CSMD3: variants seen among roughly 807,000 people sequenced by gnomAD.
CSMD3 encodes the protein CUB and sushi domain-containing protein 3.
CSMD3 carries 177 observed loss-of-function variants against 435.2 expected under a neutral mutation model. The ratio of observed to expected loss-of-function variants is 0.41; its 90% CI spans 0.36 to 0.46. The LOEUF (loss-of-function observed/expected upper bound fraction) is 0.46, where lower values mean the gene tolerates loss of function less well. Ranked by LOEUF, CSMD3 falls within the 20% of genes least tolerant of loss-of-function variation. CSMD3 has a pLI of 0.34. For synonymous variants in CSMD3, 1,656 were observed against 1,520.5 expected (o/e 1.09, Z -2.07); for missense variants, 4,265 against 4,504.6 (o/e 0.95, Z 1.52).
At chr8:112,745,354 A>G (rs188622642) in intron 13 of CSMD3, among the ~76,000 whole-genome samples, 52 of 152,256 alleles carry the variant, frequency 3.4e-4, no homozygotes, top group Admixed American at 2.7e-3. Flanking sequence ...AGTTTCTACT[A>G]TATATCATAT....
At chr8:113,210,284 G>A (rs2092818802) in intron 3 of CSMD3, among the ~76,000 whole-genome samples, 2 of 152,080 alleles carry the variant, frequency 1.3e-5, no homozygotes, top group South Asian at 4.2e-4. Context: ...CATGGAGTAT[G>A]AGCACTGGAA....
intron 10 of CSMD3, among the ~76,000 whole-genome samples, chr8:112,892,296 G>A (rs2081817095): frequency 6.6e-6 from 1 of 150,966 alleles, no homozygotes; most frequent in African/African-American, 2.4e-5. Flanking sequence ...TTCAAAGATT[G>A]TATATTCAAT....
intron 12 of CSMD3, among the ~76,000 whole-genome samples, chr8:112,827,931 A>G (rs2079747932): frequency 6.6e-6 from 1 of 152,164 alleles, no homozygotes; most frequent in African/African-American, 2.4e-5. Context: ...GAAGCCATAA[A>G]TTCAAATTTT....
intron 65 of CSMD3, among the ~76,000 whole-genome samples, chr8:112,242,601 G>A (rs910703766): frequency 6.6e-6 from 1 of 151,834 alleles, no homozygotes; most frequent in African/African-American, 2.4e-5. Flanking sequence ...TGACTTGGAG[G>A]GATAGGAAAA....
chr8:112,794,389 G>A (rs1470858255), intron 13 of CSMD3, among the ~76,000 whole-genome samples: 1 of 147,584 alleles, frequency 6.8e-6, no homozygotes, highest in Non-Finnish European at 1.5e-5. Context: ...CACCTTCCCA[G>A]GTTCAAGCAA....
chr8:112,825,093 A>G (rs1306948119), intron 12 of CSMD3, among the ~76,000 whole-genome samples: 1 of 152,006 alleles, frequency 6.6e-6, no homozygotes, highest in Non-Finnish European at 1.5e-5. Flanking sequence ...CACTTGGTCA[A>G]TTTGGCTATT....
chr8:113,327,499 C>T (rs1275338510), intron 1 of CSMD3, among the ~76,000 whole-genome samples: 2 of 152,042 alleles, frequency 1.3e-5, no homozygotes, highest in Admixed American at 1.3e-4. Flanking sequence ...CACTGTAACT[C>T]AACTGCTCCC....
intron 1 of CSMD3, among the ~76,000 whole-genome samples, chr8:113,402,809 A>G (rs2094515917): frequency 6.6e-6 from 1 of 151,432 alleles, no homozygotes; most frequent in South Asian, 2.1e-4. Context: ...AGTTAAGCAT[A>G]TTATTTCAAT....
intron 16 of CSMD3, 33 bp from the exon 17 acceptor site, chr8:112,666,448 A>C (rs2131708580): frequency 6.3e-7 from 1 of 1,598,390 alleles, no homozygotes; most frequent in Non-Finnish European, 8.6e-7. Context: ...TAAGAATAAA[A>C]CATTCAAGAT....
At chr8:112,226,484 A>G (rs972880246) in intron 70 of CSMD3, among the ~76,000 whole-genome samples, 3 of 152,172 alleles carry the variant, frequency 2.0e-5, no homozygotes, top group African/African-American at 7.2e-5. Context: ...TCTTAGGAAA[A>G]ACACATGGCC....
chr8:113,374,843 A>AAAAAAAAAAAAAAAAAAAAAAAAG (rs2094370123), intron 1 of CSMD3, among the ~76,000 whole-genome samples: 1 of 17,920 alleles, frequency 5.6e-5, no homozygotes, highest in African/African-American at 1.1e-4. Context: ...AAAAAAAAAA[A>AAAAAAAAAAAAAAAAAAAAAAAAG]AAAACCAATA....
At chr8:113,284,157 C>T (rs1318016583) in intron 2 of CSMD3, among the ~76,000 whole-genome samples, 1 of 151,840 alleles carries the variant, frequency 6.6e-6, no homozygotes, top group East Asian at 1.9e-4. Context: ...GATGGGTGCA[C>T]CAAAATCTCA....
intron 30 of CSMD3, among the ~76,000 whole-genome samples, chr8:112,495,017 G>C (rs1002558272): frequency 6.6e-6 from 1 of 152,122 alleles, no homozygotes; most frequent in East Asian, 1.9e-4. Flanking sequence ...CCAAACCATG[G>C]AATATATTTC....
intron 4 of CSMD3, among the ~76,000 whole-genome samples, chr8:113,168,648 T>C (rs956350284): frequency 2.2e-4 from 34 of 151,656 alleles, no homozygotes; most frequent in African/African-American, 8.2e-4. Context: ...TTAAAATATA[T>C]TTTCATTTTG....
intron 10 of CSMD3, among the ~76,000 whole-genome samples, chr8:112,910,929 C>T (rs1353577144): frequency 6.6e-6 from 1 of 151,896 alleles, no homozygotes; most frequent in Non-Finnish European, 1.5e-5. Flanking sequence ...CAGCATTTCA[C>T]AATGTTGATC....
intron 1 of CSMD3, among the ~76,000 whole-genome samples, chr8:113,322,209 T>A (rs575573308): frequency 3.8e-4 from 58 of 152,278 alleles, no homozygotes; most frequent in African/African-American, 1.4e-3. Flanking sequence ...TTTGTGTAAT[T>A]TTCTAAACTT....
chr8:112,556,865 T>C lies in CSMD3; in HGVS notation c.4132A>G (p.Ile1378Val), dbSNP rs779244044. The part of the protein sequence containing the change: ...DQGHFAGSTI[I>V]YGCNPGYTLH... ...GTGTAGCCTGGATTGCATCCATAAATGATGGTGCTACCAGCAAAGTGGCCT... is the reference window on the plus strand; with the variant it reads ...GTGTAGCCTGGATTGCATCCATAAACGATGGTGCTACCAGCAAAGTGGCCT... Residue 1378 changes from isoleucine to valine, a missense_variant, in exon 25 of 71, where the codon ATT becomes GTT. Transcript: ENST00000297405. 4 of 1,612,138 alleles carry C rather than the reference T, an allele frequency of 2.5e-6. No individual in the cohort carries two copies. The highest frequency in any genetic ancestry group is 1.7e-6 in the Non-Finnish European group (2 of 1,178,698).
chr8:112,657,061 CTTTTTT>C (rs11387284), intron 17 of CSMD3, among the ~76,000 whole-genome samples: 1 of 131,634 alleles, frequency 7.6e-6, no homozygotes, highest in Non-Finnish European at 1.6e-5. Flanking sequence ...TTTCTTTTTA[CTTTTTT>C]TTTTTTTTTT....
rs193039850 is a variant in CSMD3 at position 112,257,452 on chromosome 8, T to C, written c.9863-2025A>G. 2.6e-5 allele frequency among the ~76,000 whole-genome samples: 4 copies of C among 152,256 alleles called. No individual in the cohort carries two copies. The East Asian group carries it at 7.7e-4, about 29-fold the overall frequency. ...GCAAAGTCTCAGGATACAAAATCAA[T>C]GTGTAAGAATCACAAGGATTCCTAT... is the stretch of plus-strand genomic sequence containing the variant. On this transcript the variant is annotated intron_variant, in intron 61 of 70. Coordinates refer to ENST00000297405, the MANE Select transcript of CSMD3 (RefSeq NM_198123.2).
Sources: gnomAD v4.1 joint callset for allele counts (sites outside exome capture counted in the v4.1 genomes callset) on GRCh38, gnomAD v4.1.1 for gene constraint, MANE v1.5 for transcripts, NCBI Gene and HGNC (gene_info 2026-07-23, HGNC 2026-07-21) for gene names.